Variants in RELN observed in about 807,000 individuals in gnomAD.
The protein encoded by RELN is reelin.
RELN carries 108 observed loss-of-function variants against 427.6 expected under a neutral mutation model. That is an observed-to-expected ratio of 0.25 (90% CI 0.22 to 0.30). The LOEUF is 0.30. RELN is among the 10% of genes least tolerant of loss of function. The pLI, the probability that RELN is intolerant of heterozygous loss-of-function variation, is 1.00. For synonymous variants in RELN, 1,524 were observed against 1,513.4 expected (o/e 1.01, Z -0.16); for missense variants, 3,715 against 4,302.8 (o/e 0.86, Z 3.82).
chr7:103,943,974 G>T (rs1223155472), intron 1 of RELN, among the ~76,000 whole-genome samples: 1 of 151,874 alleles, frequency 6.6e-6, no homozygotes, highest in Non-Finnish European at 1.5e-5. Context: ...GGTCAGACTG[G>T]TTTAATGCTT....
chr7:103,874,732 T>C (rs1794435658), intron 2 of RELN, among the ~76,000 whole-genome samples: 1 of 150,624 alleles, frequency 6.6e-6, no homozygotes. Flanking sequence ...AGAAGAACAT[T>C]CCATGTTCAT....
chr7:103,803,870 G>C (rs572063266), intron 3 of RELN, among the ~76,000 whole-genome samples: 54 of 152,112 alleles, frequency 3.6e-4, no homozygotes, highest in African/African-American at 1.3e-3. Context: ...AAATGCTTTA[G>C]AAACTGGGGT....
intron 13 of RELN, among the ~76,000 whole-genome samples, 175 bp from the exon 14 acceptor site, chr7:103,652,934 C>T (rs1209618208): frequency 1.3e-5 from 2 of 152,006 alleles, no homozygotes; most frequent in East Asian, 3.9e-4. Flanking sequence ...CCTCAAGGAG[C>T]ATTCGATTTA....
intron 1 of RELN, among the ~76,000 whole-genome samples, chr7:103,961,998 G>A (rs1442627692): frequency 6.6e-6 from 1 of 152,092 alleles, no homozygotes; most frequent in Admixed American, 6.5e-5. Flanking sequence ...GGGTGGAGAA[G>A]CCTTCTCAAA....
At chr7:103,924,269 C>T (rs1041981307) in intron 1 of RELN, among the ~76,000 whole-genome samples, 17 of 152,080 alleles carry the variant, frequency 1.1e-4, no homozygotes, top group Admixed American at 1.1e-3. Context: ...TTATTACAGC[C>T]ATTTATTATC....
intron 13 of RELN, among the ~76,000 whole-genome samples, chr7:103,653,430 C>T (rs918152807): frequency 6.6e-6 from 1 of 152,048 alleles, no homozygotes; most frequent in African/African-American, 2.4e-5. Context: ...CCCTGAAATG[C>T]TAGATGTTAG....
chr7:103,835,262 A>T (rs555464220), intron 2 of RELN, among the ~76,000 whole-genome samples: 1 of 152,234 alleles, frequency 6.6e-6, no homozygotes. Context: ...TGGAGACATT[A>T]AAAAGATCAG....
At chr7:103,959,801 G>A (rs921435913) in intron 1 of RELN, among the ~76,000 whole-genome samples, 1 of 151,762 alleles carries the variant, frequency 6.6e-6, no homozygotes, top group African/African-American at 2.4e-5. Context: ...TTGTGGAGAT[G>A]GGGTCTCACT....
At chr7:103,896,139 C>T (rs1794954324) in intron 2 of RELN, among the ~76,000 whole-genome samples, 2 of 152,080 alleles carry the variant, frequency 1.3e-5, no homozygotes, top group Admixed American at 6.6e-5. Flanking sequence ...TAACACCACA[C>T]ACCTACCAAC....
intron 62 of RELN, 55 bp from the exon 63 acceptor site, chr7:103,483,026 G>T: frequency 7.2e-7 from 1 of 1,390,098 alleles, no homozygotes. Flanking sequence ...AGAACTTTTT[G>T]GTATTTGACT....
chr7:103,902,912 T>G (rs1232072180), intron 2 of RELN, among the ~76,000 whole-genome samples: 4 of 152,166 alleles, frequency 2.6e-5, no homozygotes, highest in Non-Finnish European at 5.9e-5. Flanking sequence ...CAATGATAAT[T>G]ATCAGAATCA....
intron 3 of RELN, among the ~76,000 whole-genome samples, chr7:103,803,733 T>C (rs1445592449): frequency 6.6e-6 from 1 of 152,080 alleles, no homozygotes; most frequent in East Asian, 1.9e-4. Context: ...GTAAAGATCA[T>C]TATAAGACTC....
intron 3 of RELN, among the ~76,000 whole-genome samples, chr7:103,776,860 G>T (rs1368208477): frequency 1.3e-5 from 2 of 152,206 alleles, no homozygotes; most frequent in Non-Finnish European, 1.5e-5. Flanking sequence ...ACAGTTGTGA[G>T]CTTGTTCTGA....
intron 4 of RELN, among the ~76,000 whole-genome samples, chr7:103,758,113 C>T (rs73712232): frequency 0.019 from 2,838 of 152,170 alleles, 86 homozygotes; most frequent in African/African-American, 0.064. Flanking sequence ...ATTTGTGTTT[C>T]GATGAACTTT....
chr7:103,884,623 G>C (rs563458723), intron 2 of RELN, among the ~76,000 whole-genome samples: 1 of 152,200 alleles, frequency 6.6e-6, no homozygotes, highest in African/African-American at 2.4e-5. Flanking sequence ...GTGGGTGAAG[G>C]ATATGAACAG....
intron 28 of RELN, among the ~76,000 whole-genome samples, chr7:103,582,014 C>T (rs1831162659): frequency 6.6e-6 from 1 of 152,148 alleles, no homozygotes; most frequent in Non-Finnish European, 1.5e-5. Flanking sequence ...CAAAAGGTAA[C>T]TAAGCAAATA....
intron 2 of RELN, among the ~76,000 whole-genome samples, chr7:103,845,074 G>T (rs532906955): frequency 6.6e-6 from 1 of 152,046 alleles, no homozygotes; most frequent in Non-Finnish European, 1.5e-5. Context: ...CCATAGCAAT[G>T]TTTTGTCTAA....
At chr7:103,910,240 T>C (rs1795334003) in intron 2 of RELN, among the ~76,000 whole-genome samples, 1 of 139,362 alleles carries the variant, frequency 7.2e-6, no homozygotes, top group Non-Finnish European at 1.5e-5. Context: ...TAAGAATGCT[T>C]GTGATTTTTG....
chr7:103,962,216 A>C (rs895667582), intron 1 of RELN, among the ~76,000 whole-genome samples: 12 of 151,986 alleles, frequency 7.9e-5, no homozygotes, highest in African/African-American at 2.9e-4. Context: ...GCTCACTGCC[A>C]TCCTTTACCT....
Sources: allele counts gnomAD v4.1 joint callset (sites outside exome capture counted in the v4.1 genomes callset), GRCh38; gene constraint gnomAD v4.1.1; transcripts MANE v1.5; gene names NCBI Gene and HGNC (gene_info 2026-07-23, HGNC 2026-07-21).